Variants in ZMYND8 observed in about 807,000 individuals in gnomAD.
ZMYND8 encodes the protein zinc finger MYND-type containing 8.
ZMYND8 carries 37 observed loss-of-function variants against 140.8 expected under a neutral mutation model. The observed-to-expected ratio is 0.26, with a 90% CI of 0.20 to 0.35. The LOEUF is 0.35. Ranked by LOEUF, ZMYND8 falls within the 10% of genes least tolerant of loss-of-function variation. The pLI is 1.00. For missense variants in ZMYND8, 1,068 were observed against 1,570.0 expected, an observed-to-expected ratio of 0.68 and a Z score of 5.40; for synonymous variants, 592 against 597.1, an observed-to-expected ratio of 0.99 and a Z score of 0.12.
At chr20:47,268,290 C>CTTTTT (rs561765484) in intron 11 of ZMYND8, among the ~76,000 whole-genome samples, 1 of 107,344 alleles carries the variant, frequency 9.3e-6, no homozygotes, top group Non-Finnish European at 1.8e-5. Context: ...AACCCCGTCT[C>CTTTTT]TTTTTTTTTT....
chr20:47,220,627 T>C (rs1358836636), intron 20 of ZMYND8, among the ~76,000 whole-genome samples: 1 of 152,204 alleles, frequency 6.6e-6, no homozygotes, highest in Non-Finnish European at 1.5e-5. Flanking sequence ...TTTTGCCATA[T>C]CCAAGGAGAA....
intron 18 of ZMYND8, among the ~76,000 whole-genome samples, chr20:47,226,021 C>A (rs2037662822): frequency 6.6e-6 from 1 of 151,854 alleles, no homozygotes; most frequent in Non-Finnish European, 1.5e-5. Flanking sequence ...CATGGTGGTG[C>A]ATGCCTGTAA....
chr20:47,279,879 C>G (rs1055659163), intron 10 of ZMYND8, among the ~76,000 whole-genome samples: 8 of 151,868 alleles, frequency 5.3e-5, no homozygotes, highest in Admixed American at 1.3e-4. Flanking sequence ...TCCCAGCACT[C>G]TGGGAGGCCA....
In ZMYND8 at chr20:47,249,146, T is replaced by C. The variant is rs1601245959; in HGVS notation, c.1774+141A>G. 2.9e-6 allele frequency: 3 copies of C among 1,030,624 alleles called. No homozygotes were observed. The East Asian group carries it at 7.8e-5, about 27-fold the overall frequency. 63.8% of individuals were successfully genotyped at this position (1,030,624 alleles called of 1,614,324 possible). ...GTCTTTTGCCATGAGTGGAAATATA[T>C]TTTAGCTGAGCAAATAGTTGAAAGT... is the stretch of plus-strand genomic sequence containing the variant. On this transcript the variant is annotated intron_variant, in intron 13 of 22. Transcript: ENST00000471951.
At chr20:47,313,814 T>A (rs2079154499) in intron 2 of ZMYND8, among the ~76,000 whole-genome samples, 1 of 151,418 alleles carries the variant, frequency 6.6e-6, no homozygotes, top group African/African-American at 2.4e-5. Context: ...GTGCCTATAG[T>A]CCCAGCTACT....
chr20:47,342,222 T>C (rs2081954301), intron 2 of ZMYND8, among the ~76,000 whole-genome samples: 1 of 151,794 alleles, frequency 6.6e-6, no homozygotes, highest in African/African-American at 2.4e-5. Flanking sequence ...TGCCCACATC[T>C]TGGTTTCTAA....
intron 12 of ZMYND8, among the ~76,000 whole-genome samples, chr20:47,259,246 G>A (rs1470211640): frequency 6.6e-6 from 1 of 152,192 alleles, no homozygotes; most frequent in Non-Finnish European, 1.5e-5. Context: ...GCAAACCACA[G>A]ATTTGGGAAC....
In ZMYND8 at chr20:47,221,547, C is replaced by T. The variant is rs548522554; in HGVS notation, c.3257-73G>A. The T allele has an allele frequency of 8.8e-5, 134 of 1,517,174 alleles. 1 individual carries two copies. In the Middle Eastern group the frequency reaches 2.2e-3, roughly 25 times the overall value. 94.0% of individuals were successfully genotyped at this position (1,517,174 alleles called of 1,614,324 possible). On this transcript the variant is annotated intron_variant, in intron 19 of 22. Transcript: ENST00000471951. ...TGATTTTGAAACATGCATGGAGCCC[C>T]GCCCTGCACCCAGTGGCACCCAAGG...
intron 20 of ZMYND8, 54 bp downstream of exon 20, chr20:47,221,260 C>A: frequency 1.0e-5 from 16 of 1,600,530 alleles, no homozygotes; most frequent in Non-Finnish European, 1.3e-5. Context: ...GGTCCTAAGT[C>A]CACTTGGCAC....
Position 47,243,916 on chromosome 20 carries a change from A to G in ZMYND8, c.2284+2092T>C, listed in dbSNP as rs865866912. On this transcript the variant is annotated intron_variant, in intron 14 of 22. Transcript: ENST00000471951. ...AGTCTCTCAAAACCCAATCCATAAC[A>G]TACTCATATTTTTCAGAGGCCATCT... Among the ~76,000 whole-genome samples the G allele has an allele frequency of 3.3e-4, 50 of 152,330 alleles. 1 individual carries two copies. Among genetic ancestry groups the G allele is most frequent in the Middle Eastern group, 6.8e-3 (2 of 294 alleles).
At chr20:47,242,829 A>G (rs1259743090) in intron 14 of ZMYND8, among the ~76,000 whole-genome samples, 1 of 152,240 alleles carries the variant, frequency 6.6e-6, no homozygotes, top group East Asian at 1.9e-4. Context: ...AAATGAGGCT[A>G]CAGGAAATTT....
At chr20:47,240,335 T>C (rs1473114025) in intron 14 of ZMYND8, among the ~76,000 whole-genome samples, 1 of 151,516 alleles carries the variant, frequency 6.6e-6, no homozygotes, top group East Asian at 2.0e-4. Context: ...GCCAACATAG[T>C]GAAACCCCGT....
intron 2 of ZMYND8, among the ~76,000 whole-genome samples, chr20:47,342,876 G>GAAAC (rs2082027424): frequency 6.7e-6 from 1 of 148,400 alleles, no homozygotes; most frequent in Non-Finnish European, 1.5e-5. Flanking sequence ...AAGAAAGAAA[G>GAAAC]AAACCAGGAT....
At chr20:47,229,601 G>A in intron 17 of ZMYND8, 125 bp downstream of exon 17, 1 of 816,732 alleles carries the variant, frequency 1.2e-6, no homozygotes, top group Non-Finnish European at 2.0e-6. Flanking sequence ...ACAATCAGTA[G>A]AGCCAGCTTA....
intron 3 of ZMYND8, among the ~76,000 whole-genome samples, chr20:47,302,146 C>T (rs1262566216): frequency 6.6e-6 from 1 of 152,140 alleles, no homozygotes; most frequent in African/African-American, 2.4e-5. Flanking sequence ...AGCATGAGAA[C>T]AAACAAACTA....
chr20:47,231,180 T>C (rs759849602), intron 16 of ZMYND8, among the ~76,000 whole-genome samples: 2 of 152,152 alleles, frequency 1.3e-5, no homozygotes, highest in African/African-American at 4.8e-5. Flanking sequence ...ACTATGTTAA[T>C]AGGATGAATT....
chr20:47,277,666 T>C (rs1213689707), intron 10 of ZMYND8, among the ~76,000 whole-genome samples: 2 of 151,242 alleles, frequency 1.3e-5, no homozygotes, highest in African/African-American at 4.9e-5. Context: ...TTTATTTATT[T>C]ATTTATTTAT....
At chr20:47,215,007 C>T (rs541118820) in intron 21 of ZMYND8, among the ~76,000 whole-genome samples, 2 of 152,294 alleles carry the variant, frequency 1.3e-5, no homozygotes, top group African/African-American at 4.8e-5. Context: ...GGCTTGAGCT[C>T]AGGCCAAGTT....
At chr20:47,282,680 C>T (rs912128846) in intron 9 of ZMYND8, among the ~76,000 whole-genome samples, 6 of 151,112 alleles carry the variant, frequency 4.0e-5, no homozygotes, top group Non-Finnish European at 7.4e-5. Context: ...AGTCAAATCA[C>T]GCCACTGCAC....
Sources: allele counts gnomAD v4.1 joint callset (sites outside exome capture counted in the v4.1 genomes callset), GRCh38; gene constraint gnomAD v4.1.1; transcripts MANE v1.5; gene names NCBI Gene and HGNC (gene_info 2026-07-23, HGNC 2026-07-21).